Variants in SPHKAP observed in about 807,000 individuals in gnomAD.
SPHKAP encodes A-kinase anchor protein SPHKAP.
SPHKAP carries 67 observed loss-of-function variants against 137.5 expected under a neutral mutation model. The observed-to-expected ratio is 0.49, with a 90% CI of 0.40 to 0.60. The LOEUF is 0.60. Ranked by LOEUF, SPHKAP falls within the 20% of genes least tolerant of loss-of-function variation. The pLI is 0.00. For synonymous variants in SPHKAP, 813 were observed against 785.3 expected, an observed-to-expected ratio of 1.04 and a Z score of -0.59; for missense variants, 2,097 against 2,069.3, an observed-to-expected ratio of 1.01 and a Z score of -0.26.
At chr2:228,073,500 A>T (rs1022829122) in intron 3 of SPHKAP, among the ~76,000 whole-genome samples, 1 of 152,202 alleles carries the variant, frequency 6.6e-6, no homozygotes, top group African/African-American at 2.4e-5. Flanking sequence ...TGCCAGAAGT[A>T]TTAAGTGGGT....
At chr2:228,162,699 T>G (rs1202067491) in intron 1 of SPHKAP, among the ~76,000 whole-genome samples, 1 of 151,936 alleles carries the variant, frequency 6.6e-6, no homozygotes, top group East Asian at 1.9e-4. Flanking sequence ...TTCTTTTTAT[T>G]TATTTATTTA....
At chr2:228,133,088 C>T (rs1309583986) in intron 1 of SPHKAP, among the ~76,000 whole-genome samples, 1 of 151,950 alleles carries the variant, frequency 6.6e-6, no homozygotes, top group African/African-American at 2.4e-5. Context: ...CGGTGGATTG[C>T]CTGAGCTCAG....
At chr2:227,999,809 G>A (rs1693780284) in intron 7 of SPHKAP, among the ~76,000 whole-genome samples, 1 of 152,204 alleles carries the variant, frequency 6.6e-6, no homozygotes, top group South Asian at 2.1e-4. Context: ...GCACAGAGGT[G>A]TTGTGCAGAT....
intron 3 of SPHKAP, among the ~76,000 whole-genome samples, chr2:228,090,191 A>G (rs1354380837): frequency 6.6e-6 from 1 of 152,192 alleles, no homozygotes; most frequent in East Asian, 1.9e-4. Flanking sequence ...CAAAGGCCAT[A>G]AGAGCCCACC....
chr2:228,119,606 C>T (rs1469235614), intron 2 of SPHKAP, among the ~76,000 whole-genome samples: 1 of 151,896 alleles, frequency 6.6e-6, no homozygotes, highest in African/African-American at 2.4e-5. Context: ...CTTTTGTTTT[C>T]TACTCTGGGA....
chr2:228,001,386 C>A (rs1388017948), intron 7 of SPHKAP, among the ~76,000 whole-genome samples: 2 of 139,464 alleles, frequency 1.4e-5, no homozygotes, highest in South Asian at 2.2e-4. Flanking sequence ...TATATATACA[C>A]ATATATAAAT....
chr2:228,147,703 C>G (rs1434586085), intron 1 of SPHKAP, among the ~76,000 whole-genome samples: 1 of 152,086 alleles, frequency 6.6e-6, no homozygotes, highest in Non-Finnish European at 1.5e-5. Context: ...TTGTTGTTAC[C>G]GAAGGGAGAT....
At chr2:228,057,324 C>T (rs1201234676) in intron 3 of SPHKAP, among the ~76,000 whole-genome samples, 1 of 152,084 alleles carries the variant, frequency 6.6e-6, no homozygotes, top group Admixed American at 6.6e-5. Context: ...GGATAGTAGG[C>T]AATAAAATAT....
chr2:228,027,982 A>G (rs1695122804), intron 3 of SPHKAP: 1 of 979,528 alleles, frequency 1.0e-6, no homozygotes, highest in Non-Finnish European at 1.2e-6. Context: ...AAAAAGAAAA[A>G]AGAAAAAAAG....
At chr2:228,163,165 G>T (rs1389628345) in intron 1 of SPHKAP, among the ~76,000 whole-genome samples, 1 of 152,122 alleles carries the variant, frequency 6.6e-6, no homozygotes, top group Non-Finnish European at 1.5e-5. Flanking sequence ...TGAGCAACTG[G>T]ATATCAGCAG....
At chr2:227,997,224 A>G (rs1168190916) in intron 7 of SPHKAP, among the ~76,000 whole-genome samples, 1 of 152,164 alleles carries the variant, frequency 6.6e-6, no homozygotes, top group Non-Finnish European at 1.5e-5. Flanking sequence ...CTCAACCCTA[A>G]TCACTATTTA....
intron 7 of SPHKAP, among the ~76,000 whole-genome samples, chr2:227,996,517 G>A (rs1419733124): frequency 6.6e-6 from 1 of 152,080 alleles, no homozygotes; most frequent in Non-Finnish European, 1.5e-5. Context: ...CCTTTCCACA[G>A]TCGGTTCCTA....
chr2:228,084,892 G>T (rs1029493530), intron 3 of SPHKAP, among the ~76,000 whole-genome samples: 5 of 152,188 alleles, frequency 3.3e-5, no homozygotes, highest in African/African-American at 1.2e-4. Flanking sequence ...CATAAGAGTG[G>T]TTTGAAGCCT....
chr2:228,175,797 GAGAT>G (rs1264243271), intron 1 of SPHKAP, among the ~76,000 whole-genome samples: 2 of 151,956 alleles, frequency 1.3e-5, no homozygotes, highest in African/African-American at 2.4e-5. Context: ...TAGATTTGAA[GAGAT>G]AGATAGATTT....
chr2:228,029,854 C>T (rs1288884419), intron 3 of SPHKAP, among the ~76,000 whole-genome samples: 1 of 152,130 alleles, frequency 6.6e-6, no homozygotes, highest in African/African-American at 2.4e-5. Flanking sequence ...TAAAGAAAGG[C>T]CCATTACCTT....
At chr2:228,070,370 G>T (rs565741882) in intron 3 of SPHKAP, among the ~76,000 whole-genome samples, 3 of 152,294 alleles carry the variant, frequency 2.0e-5, no homozygotes, top group African/African-American at 7.2e-5. Context: ...GGCGGAAGGG[G>T]AGGCAGGAAG....
chr2:228,095,685 C>T (rs1697961382), intron 3 of SPHKAP, among the ~76,000 whole-genome samples: 1 of 151,790 alleles, frequency 6.6e-6, no homozygotes, highest in African/African-American at 2.4e-5. Context: ...GACATAGTGG[C>T]AGTTTGACAG....
chr2:228,035,665 C>T (rs367561328), intron 3 of SPHKAP, among the ~76,000 whole-genome samples: 4 of 152,138 alleles, frequency 2.6e-5, no homozygotes, highest in African/African-American at 9.6e-5. Flanking sequence ...AACAGCATGG[C>T]ACTGGTACCA....
At chr2:228,116,137 A>G (rs1304231921) in intron 2 of SPHKAP, among the ~76,000 whole-genome samples, 1 of 152,176 alleles carries the variant, frequency 6.6e-6, no homozygotes, top group Non-Finnish European at 1.5e-5. Flanking sequence ...GTATTTTGTG[A>G]TAGCAGCTCT....
Sources: allele counts gnomAD v4.1 joint callset (sites outside exome capture counted in the v4.1 genomes callset), GRCh38; gene constraint gnomAD v4.1.1; transcripts MANE v1.5; gene names NCBI Gene and HGNC (gene_info 2026-07-23, HGNC 2026-07-21).